Variants in GPRC5A observed in about 807,000 individuals in gnomAD.
The protein encoded by GPRC5A is G protein-coupled receptor class C group 5 member A.
Under a neutral mutation model 22.5 loss-of-function variants are expected in GPRC5A, and 19 were observed. The observed-to-expected ratio is 0.85, with a 90% CI of 0.59 to 1.24. The LOEUF (loss-of-function observed/expected upper bound fraction) is 1.24, where lower values mean the gene tolerates loss of function less well. GPRC5A is among the 50% of genes most tolerant of loss of function. The pLI is 0.00. For synonymous variants in GPRC5A, 192 were observed against 184.5 expected, an observed-to-expected ratio of 1.04 and a Z score of -0.33; for missense variants, 471 against 451.1, an observed-to-expected ratio of 1.04 and a Z score of -0.40.
chr12:12,908,208 T>C (rs191362082), intron 1 of GPRC5A, 35 bp from the exon 2 acceptor site: 57 of 1,359,338 alleles, frequency 4.2e-5, no homozygotes, highest in African/African-American at 1.9e-4. Flanking sequence ...GGAGATTCAA[T>C]ACCTTCTCCC....
chr12:12,902,011 G>C (rs1490649531), intron 1 of GPRC5A, among the ~76,000 whole-genome samples: 1 of 152,142 alleles, frequency 6.6e-6, no homozygotes, highest in Non-Finnish European at 1.5e-5. Context: ...ATTCCTAAAT[G>C]CTGATCACTT....
In GPRC5A at chr12:12,914,594, T is replaced by TTTTCTTTCTTTCTCTC. The variant is rs1864042224; in HGVS notation, c.*2056_*2057insTTCTTTCTTTCTCTCT. The TTTTCTTTCTTTCTCTC allele has an allele frequency of 1.2e-5, 1 of 81,544 alleles. No individual in the cohort carries two copies. The highest frequency in any genetic ancestry group is 6.4e-5 in the African/African-American group (1 of 15,530). 5.1% of individuals were successfully genotyped at this position (81,544 alleles called of 1,614,324 possible). ...TTTCTTTCTTTCTTTCTTTCTTTCT[T>TTTTCTTTCTTTCTCTC]TCTCTCTCTCTCTCTCTCTCTCTTT... is the stretch of plus-strand genomic sequence containing the variant. On this transcript the variant is annotated 3_prime_UTR_variant, in exon 4 of 4. Transcript: ENST00000014914.
chr12:12,914,445 TAA>T lies in GPRC5A; in HGVS notation c.*1908_*1909del. On this transcript the variant is annotated 3_prime_UTR_variant, in exon 4 of 4. Coordinates refer to ENST00000014914, the MANE Select transcript of GPRC5A (RefSeq NM_003979.4). ...GACCTAATGAGGTTTGTTGTGAGAATAAAGCAATGTGGTTTCACATATATTAT... is the reference window on the plus strand; with the variant it reads ...GACCTAATGAGGTTTGTTGTGAGAATAGCAATGTGGTTTCACATATATTAT... 1 of 152,314 alleles carries T rather than the reference TAA, an allele frequency of 6.6e-6. No individual in the cohort carries two copies. Among genetic ancestry groups the T allele is most frequent in the South Asian group, 2.1e-4 (1 of 4,826 alleles). 9.4% of individuals were successfully genotyped at this position (152,314 alleles called of 1,614,324 possible).
intron 1 of GPRC5A, among the ~76,000 whole-genome samples, chr12:12,907,742 C>T (rs1466077925): frequency 6.6e-6 from 1 of 152,154 alleles, no homozygotes; most frequent in East Asian, 1.9e-4. Context: ...AGCGATATTC[C>T]CACCTCAGCC....
At position 12,915,881 on chromosome 12, in the gene GPRC5A, T is replaced by C. The variant is rs1864059935; in HGVS notation, c.*3342T>C. The C allele has an allele frequency of 1.9e-6, 1 of 527,786 alleles. No homozygotes were observed. The highest frequency in any genetic ancestry group is 3.9e-6 in the Non-Finnish European group (1 of 256,322). 32.7% of individuals were successfully genotyped at this position (527,786 alleles called of 1,614,324 possible). A position where few individuals can be genotyped will look rare whatever the true frequency, so the allele number is the denominator to read the frequency against. ...CTGCAGGGGCAGGCCAGCCCTGCAC[T>C]GAACGCCTGTTCTTGCCAGGTGGCA... On this transcript the variant is annotated 3_prime_UTR_variant, in exon 4 of 4. Coordinates refer to ENST00000014914, the MANE Select transcript of GPRC5A (RefSeq NM_003979.4).
chr12:12,916,397 G>A lies in GPRC5A; in HGVS notation c.*3858G>A, dbSNP rs1864064546. On this transcript the variant is annotated 3_prime_UTR_variant, in exon 4 of 4. Transcript: ENST00000014914. ...GCCGTCCAAAGCGGCCATGCCCCAT[G>A]TTTCCACTAGATGGCGCTGACACTT... 6.6e-6 allele frequency: 1 copy of A among 152,242 alleles called. No individual in the cohort carries two copies. The highest frequency in any genetic ancestry group is 6.5e-5 in the Admixed American group (1 of 15,280). 9.4% of individuals were successfully genotyped at this position (152,242 alleles called of 1,614,324 possible). A position where few individuals can be genotyped will look rare whatever the true frequency, so the allele number is the denominator to read the frequency against.
intron 1 of GPRC5A, among the ~76,000 whole-genome samples, chr12:12,897,931 T>G (rs1592347355): frequency 6.6e-6 from 1 of 152,138 alleles, no homozygotes; most frequent in South Asian, 2.1e-4. Context: ...TTTAACCTCC[T>G]TTGCGGACTC....
In GPRC5A at chr12:12,914,479, T is replaced by C. The variant is rs1864036976; in HGVS notation, c.*1940T>C. On this transcript the variant is annotated 3_prime_UTR_variant, in exon 4 of 4. Coordinates refer to ENST00000014914, the MANE Select transcript of GPRC5A (RefSeq NM_003979.4). Reference sequence around the variant, plus strand: ...GTGGTTTCACATATATTATCTATCATAGGCTAGGGACTCAAGAAATGCATA... The same window carrying C: ...GTGGTTTCACATATATTATCTATCACAGGCTAGGGACTCAAGAAATGCATA... 1 of 152,176 alleles carries C rather than the reference T, an allele frequency of 6.6e-6. No homozygotes were observed. Among genetic ancestry groups the C allele is most frequent in the Non-Finnish European group, 1.5e-5 (1 of 68,036 alleles). 9.4% of individuals were successfully genotyped at this position (152,176 alleles called of 1,614,324 possible).
chr12:12,900,824 T>C (rs1214997713), intron 1 of GPRC5A, among the ~76,000 whole-genome samples: 1 of 130,636 alleles, frequency 7.7e-6, no homozygotes, highest in Non-Finnish European at 1.5e-5. Context: ...TGGGAGATGG[T>C]GGTTGCAGTG....
chr12:12,902,990 CT>C (rs1863905299), intron 1 of GPRC5A, among the ~76,000 whole-genome samples: 1 of 152,178 alleles, frequency 6.6e-6, no homozygotes, highest in South Asian at 2.1e-4. Context: ...CCGCTTGAAC[CT>C]GGGAGGTGGA....
Position 12,917,744 on chromosome 12 carries a change from A to G in GPRC5A, c.*5205A>G, listed in dbSNP as rs1864080426. 6.6e-6 allele frequency: 1 copy of G among 152,164 alleles called. No individual in the cohort carries two copies. Among genetic ancestry groups the G allele is most frequent in the African/African-American group, 2.4e-5 (1 of 41,426 alleles). The allele number at this position is 152,164 out of a possible 1,614,324, so 9.4% of individuals were successfully genotyped here. A position where few individuals can be genotyped will look rare whatever the true frequency, so the allele number is the denominator to read the frequency against. On this transcript the variant is annotated 3_prime_UTR_variant, in exon 4 of 4. Transcript: ENST00000014914. ...TGGCTTCCTGGGACAGAAGGCCTTC[A>G]AAGGAGGGATTGCAAAGCAAGGCAA...
In GPRC5A at chr12:12,908,303, C is replaced by A; in HGVS notation, c.54C>A (p.Tyr18Ter). The A allele has an allele frequency of 6.2e-7, 1 of 1,612,026 alleles. No individual in the cohort carries two copies. The highest frequency in any genetic ancestry group is 1.3e-5 in the African/African-American group (1 of 75,018). Reference protein sequence around the residue: ...GCRNGLKSKYYRLCDKAEAWG... With the variant: ...GCRNGLKSKY ...GCAATGGCCTGAAATCCAAGTACTA[C>A]AGACTTTGTGATAAGGCTGAAGCTT... The change falls in exon 2 of 4, where the codon TAC (tyrosine) becomes TAA (stop). Residue 18 changes from tyrosine (Y) to a stop codon, truncating the protein, a stop_gained. Transcript: ENST00000014914. LOFTEE classifies it high-confidence loss of function.
At chr12:12,899,219 T>C (rs12821844) in intron 1 of GPRC5A, among the ~76,000 whole-genome samples, 5 of 152,146 alleles carry the variant, frequency 3.3e-5, no homozygotes, top group African/African-American at 1.2e-4. Flanking sequence ...TTTCTTTTTG[T>C]ACAGCGGGGG....
Position 12,912,497 on chromosome 12 carries a change from G to A in GPRC5A, c.1032G>A (p.Pro344=), listed in dbSNP as rs766973961. ...CCATCCCACGGGCCCACGCTTGGCC[G>A]AGCCCTTACAAAGACTATGAAGTAA... ...EFSIPRAHAW[P]SPYKDYEVKK... The change falls in exon 4 of 4, where the codon CCG becomes CCA. Residue 344 remains proline (P), a synonymous_variant. Transcript: ENST00000014914. 5.0e-6 allele frequency: 8 copies of A among 1,612,672 alleles called. No individual in the cohort carries two copies. Among genetic ancestry groups the A allele is most frequent in the East Asian group, 2.2e-5 (1 of 44,880 alleles).
chr12:12,917,235 TGTGTGTGTGTGTGTGTGCGTGC>T lies in GPRC5A; in HGVS notation c.*4700_*4721del, dbSNP rs1408731189. 3 of 123,356 alleles carry T rather than the reference TGTGTGTGTGTGTGTGTGCGTGC, an allele frequency of 2.4e-5. No individual in the cohort carries two copies. Among genetic ancestry groups the T allele is most frequent in the East Asian group, 2.6e-4 (1 of 3,866 alleles). The allele number at this position is 123,356 out of a possible 1,614,324, so 7.6% of individuals were successfully genotyped here. ...ATCTGTGTGTGTGTGTGTGTGTGTG[TGTGTGTGTGTGTGTGTGCGTGC>T]GTGCGTGTATGTGCGCCTGACCCTG... On this transcript the variant is annotated 3_prime_UTR_variant, in exon 4 of 4. Coordinates refer to ENST00000014914, the MANE Select transcript of GPRC5A (RefSeq NM_003979.4).
intron 1 of GPRC5A, among the ~76,000 whole-genome samples, chr12:12,901,462 C>G (rs915727021): frequency 3.3e-5 from 5 of 152,116 alleles, no homozygotes; most frequent in African/African-American, 1.2e-4. Flanking sequence ...AGGCACAGCC[C>G]ATCCTACCCT....
At chr12:12,892,741 A>ACTTTCCATTCCTGAATT (rs1565461889) in intron 1 of GPRC5A, among the ~76,000 whole-genome samples, 1 of 152,218 alleles carries the variant, frequency 6.6e-6, no homozygotes, top group East Asian at 1.9e-4. Context: ...AATTTGAAGG[A>ACTTTCCATTCCTGAATT]CTTTCCATTC....
chr12:12,909,081 C>A lies in GPRC5A; in HGVS notation c.832C>A (p.Pro278Thr). ...AAAGCAACGAAACCCCATGGATTAT[C>A]CTGTTGAGGATGCTTTCTGTAAACC... The part of the protein sequence containing the change: ...LTKQRNPMDY[P>T]VEDAFCKPQL... The change falls in exon 2 of 4, where the codon CCT becomes ACT. Residue 278 changes from proline (P) to threonine (T), a missense_variant. Transcript: ENST00000014914. 1.9e-6 allele frequency: 3 copies of A among 1,605,654 alleles called. No individual in the cohort carries two copies. Among genetic ancestry groups the A allele is most frequent in the Non-Finnish European group, 2.5e-6 (3 of 1,179,806 alleles).
intron 1 of GPRC5A, among the ~76,000 whole-genome samples, chr12:12,901,506 C>T (rs1048021155): frequency 1.3e-5 from 2 of 152,090 alleles, no homozygotes; most frequent in African/African-American, 2.4e-5. Flanking sequence ...TCCTGACTCC[C>T]CTTACCCCAC....
Sources: gnomAD v4.1 joint callset for allele counts (sites outside exome capture counted in the v4.1 genomes callset) on GRCh38, gnomAD v4.1.1 for gene constraint, MANE v1.5 for transcripts, NCBI Gene and HGNC (gene_info 2026-07-23, HGNC 2026-07-21) for gene names.